The following ZSWIM2 variants were observed in gnomAD, a reference collection of about 807,000 sequenced individuals.
ZSWIM2 encodes the protein E3 ubiquitin-protein ligase ZSWIM2.
A neutral mutation model predicts 48.4 loss-of-function variants in ZSWIM2; 38 were observed. The observed-to-expected ratio is 0.79, with a 90% CI of 0.61 to 1.03. ZSWIM2 has a LOEUF of 1.03. ZSWIM2 is among the 50% of genes least tolerant of loss of function. The pLI is 0.00. For missense variants in ZSWIM2, 776 were observed against 730.2 expected (o/e 1.06, Z -0.72); for synonymous variants, 240 against 251.3 (o/e 0.96, Z 0.42).
chr2:186,834,838 T>C (rs1315391633), intron 5 of ZSWIM2, among the ~76,000 whole-genome samples: 2 of 152,166 alleles, frequency 1.3e-5, no homozygotes, highest in African/African-American at 4.8e-5. Context: ...ACAAGACTTA[T>C]CCAAGCAATC....
At chr2:186,847,066 T>C (rs1692016909) in intron 2 of ZSWIM2, among the ~76,000 whole-genome samples, 1 of 147,546 alleles carries the variant, frequency 6.8e-6, no homozygotes, top group Non-Finnish European at 1.5e-5. Flanking sequence ...AAATCACTTA[T>C]TGGGTACAAT....
At chr2:186,834,612 AC>A (rs1382497105) in intron 5 of ZSWIM2, among the ~76,000 whole-genome samples, 6 of 151,776 alleles carry the variant, frequency 4.0e-5, no homozygotes, top group Non-Finnish European at 8.8e-5. Context: ...TCCCCCAATA[AC>A]CCCCATGGAA....
chr2:186,845,627 T>C (rs1378499477), intron 2 of ZSWIM2, among the ~76,000 whole-genome samples: 1 of 151,480 alleles, frequency 6.6e-6, no homozygotes, highest in African/African-American at 2.4e-5. Flanking sequence ...CTTAATTTCT[T>C]ATTTTTTCAT....
chr2:186,839,371 A>G (rs1462028898), intron 3 of ZSWIM2, among the ~76,000 whole-genome samples: 1 of 151,736 alleles, frequency 6.6e-6, no homozygotes, highest in Non-Finnish European at 1.5e-5. Flanking sequence ...AAATATAAAA[A>G]TTATTATTTT....
chr2:186,831,687 A>G (rs569554524), intron 7 of ZSWIM2, among the ~76,000 whole-genome samples: 557 of 152,188 alleles, frequency 3.7e-3, no homozygotes, highest in African/African-American at 0.013. Context: ...ATGGAATACT[A>G]TGCAGCCATA....
rs757051184 is a variant in ZSWIM2 at position 186,828,647 on chromosome 2, G to A, written c.1239C>T (p.Ile413=). ...GTTCTTTCTGCTTTGATAGATGAATGATGTCTCTGTTTGAAACAGACTGAT... is the reference window on the plus strand; with the variant it reads ...GTTCTTTCTGCTTTGATAGATGAATAATGTCTCTGTTTGAAACAGACTGAT... The part of the protein sequence containing the change: ...QAHQSVSNRD[I]IHLSKQKEPD... The change falls in exon 9 of 9, where the codon ATC becomes ATT. Residue 413 remains isoleucine, a synonymous_variant. Coordinates refer to ENST00000295131, the MANE Select transcript of ZSWIM2 (RefSeq NM_182521.3). 5.0e-6 allele frequency: 8 copies of A among 1,612,906 alleles called. No individual in the cohort carries two copies. Among genetic ancestry groups the A allele is most frequent in the Non-Finnish European group, 6.8e-6 (8 of 1,179,612 alleles).
intron 7 of ZSWIM2, among the ~76,000 whole-genome samples, chr2:186,831,769 G>T (rs983589139): frequency 6.6e-6 from 1 of 151,786 alleles, no homozygotes; most frequent in African/African-American, 2.4e-5. Context: ...GCAAACTATC[G>T]CAAGGACAAA....
intron 3 of ZSWIM2, among the ~76,000 whole-genome samples, chr2:186,840,138 A>T (rs1691878846): frequency 6.6e-6 from 1 of 151,696 alleles, no homozygotes; most frequent in Non-Finnish European, 1.5e-5. Flanking sequence ...TGGCAAGTGG[A>T]CTGTGGGAGG....
chr2:186,837,828 C>T, intron 4 of ZSWIM2, among the ~76,000 whole-genome samples: 1 of 150,644 alleles, frequency 6.6e-6, no homozygotes, highest in East Asian at 1.9e-4. Flanking sequence ...GATTTTGCAT[C>T]ATTAAAATAT....
At chr2:186,830,017 TC>T in intron 7 of ZSWIM2, 137 bp from the exon 8 acceptor site, 9 of 792,916 alleles carry the variant, frequency 1.1e-5, no homozygotes, top group Non-Finnish European at 1.8e-5. Flanking sequence ...ATAATAAATC[TC>T]ATATATTATA....
In ZSWIM2 at chr2:186,834,037, A is replaced by G; in HGVS notation, c.744-7T>C. On this transcript the variant is annotated splice_region_variant and splice_polypyrimidine_tract_variant and intron_variant, in intron 5 of 8. Coordinates refer to ENST00000295131, the MANE Select transcript of ZSWIM2 (RefSeq NM_182521.3). Reference sequence around the variant, plus strand: ...TTCTATGCATTCGGTACACCTAAAAATACAAAACATCAAAACACGCAAGAA... The same window carrying G: ...TTCTATGCATTCGGTACACCTAAAAGTACAAAACATCAAAACACGCAAGAA... The G allele has an allele frequency of 6.3e-7, 1 of 1,596,546 alleles. No homozygotes were observed. Among genetic ancestry groups the G allele is most frequent in the Non-Finnish European group, 8.6e-7 (1 of 1,167,152 alleles).
intron 5 of ZSWIM2, among the ~76,000 whole-genome samples, chr2:186,836,419 T>C (rs1055242528): frequency 9.2e-5 from 14 of 152,146 alleles, no homozygotes; most frequent in Admixed American, 7.2e-4. Context: ...TAAATACTTT[T>C]GTTAATAATC....
At position 186,828,508 on chromosome 2, in the gene ZSWIM2, C is replaced by T. The variant is rs1247970246; in HGVS notation, c.1378G>A (p.Asp460Asn). Residue 460 changes from aspartate to asparagine, a missense_variant, in exon 9 of 9, where the codon GAT becomes AAT. Transcript: ENST00000295131. ...TCTATTGTTGTATTTTCATAGGCAT[C>T]TTTTGGGCTTTGAGGTGTATTCAAT... ...DELNTPQSPK[D>N]AYENTTIDNL... 3 of 1,613,416 alleles carry T rather than the reference C, an allele frequency of 1.9e-6. No homozygotes were observed. The highest frequency in any genetic ancestry group is 2.5e-6 in the Non-Finnish European group (3 of 1,179,660).
Position 186,829,862 on chromosome 2 carries a change from T to C in ZSWIM2, c.960A>G (p.Lys320=). The C allele has an allele frequency of 6.2e-7, 1 of 1,613,516 alleles. No individual in the cohort carries two copies. Among genetic ancestry groups the C allele is most frequent in the Non-Finnish European group, 8.5e-7 (1 of 1,179,688 alleles). The change falls in exon 8 of 9, where the codon AAA becomes AAG. Residue 320 remains lysine (K), a synonymous_variant. Coordinates refer to ENST00000295131, the MANE Select transcript of ZSWIM2 (RefSeq NM_182521.3). ...GGAGAGGCAGTGATCTTACAATGTG[T>C]TTTGGTGTGTAAACTTGGCTGAATG... ...QEKQGQVYTP[K]HIVRSLPLQL...
chr2:186,837,420 T>G lies in ZSWIM2; in HGVS notation c.629A>C (p.Glu210Ala). 1 of 1,612,854 alleles carries G rather than the reference T, an allele frequency of 6.2e-7. No individual in the cohort carries two copies. Among genetic ancestry groups the G allele is most frequent in the Admixed American group, 1.7e-5 (1 of 59,864 alleles). ...EFAPLKLILE[E>A]FKNSSKLVAA... ...TACTAGTTTGCTAGAGTTTTTGAAT[T>G]CCTCCAAAATCAGTTTTAATGGTGC... The change falls in exon 5 of 9, where the codon GAA becomes GCA. Residue 210 changes from glutamate to alanine, a missense_variant. Physicochemically the swap from Glu to Ala is moderately radical, Grantham distance 107. Coordinates refer to ENST00000295131, the MANE Select transcript of ZSWIM2 (RefSeq NM_182521.3).
intron 2 of ZSWIM2, among the ~76,000 whole-genome samples, chr2:186,845,835 C>T (rs910878098): frequency 1.3e-5 from 2 of 151,502 alleles, no homozygotes; most frequent in Middle Eastern, 3.2e-3. Context: ...TAGAGTTCTA[C>T]TTCTATCTTG....
chr2:186,829,161 TAA>T (rs1178854729), intron 8 of ZSWIM2, among the ~76,000 whole-genome samples: 1 of 152,086 alleles, frequency 6.6e-6, no homozygotes, highest in Non-Finnish European at 1.5e-5. Flanking sequence ...AATAACAAAT[TAA>T]GTTTTTGAAA....
chr2:186,834,454 T>A (rs113082234), intron 5 of ZSWIM2, among the ~76,000 whole-genome samples: 60 of 152,228 alleles, frequency 3.9e-4, no homozygotes, highest in African/African-American at 1.4e-3. Flanking sequence ...GCAAATCTCC[T>A]CCTTCTGTCA....
At chr2:186,838,432 T>C (rs1691839116) in intron 4 of ZSWIM2, among the ~76,000 whole-genome samples, 1 of 150,242 alleles carries the variant, frequency 6.7e-6, no homozygotes, top group Non-Finnish European at 1.5e-5. Flanking sequence ...AAATAATTTT[T>C]GTAATTTCAA....
Sources: gnomAD v4.1 joint callset for allele counts (sites outside exome capture counted in the v4.1 genomes callset) on GRCh38, gnomAD v4.1.1 for gene constraint, MANE v1.5 for transcripts, NCBI Gene and HGNC (gene_info 2026-07-23, HGNC 2026-07-21) for gene names.